The following SOCS2 variants were observed in gnomAD, a reference collection of about 807,000 sequenced individuals.
SOCS2 encodes the protein CIS-2.
In SOCS2, 10 loss-of-function variants were observed where a neutral mutation model predicts 18.6. The ratio of observed to expected loss-of-function variants is 0.54; its 90% CI spans 0.33 to 0.91. The LOEUF is 0.91. Among genes scored for constraint, SOCS2 ranks in the 40% least tolerant of loss-of-function variants. The probability of loss-of-function intolerance (pLI) is 0.02; values close to 1 mark genes in which losing one functional copy is unlikely to be tolerated. For synonymous variants in SOCS2, 104 were observed against 104.0 expected (o/e 1.00, Z 0.00); for missense variants, 231 against 247.2 (o/e 0.93, Z 0.44).
At position 93,573,036 on chromosome 12, in the gene SOCS2, G is replaced by A. The variant is rs1308884342; in HGVS notation, c.139G>A (p.Gly47Arg). 6 of 1,564,100 alleles carry A rather than the reference G, an allele frequency of 3.8e-6. No homozygotes were observed. The highest frequency in any genetic ancestry group is 3.4e-6 in the Non-Finnish European group (4 of 1,159,650). Residue 47 changes from glycine (G) to arginine (R), a missense_variant and splice_region_variant, in exon 1 of 2, where the codon GGA becomes AGA. Gly to Arg is a moderately radical substitution (Grantham distance 125). Coordinates refer to ENST00000551556, the MANE Select transcript of SOCS2 (RefSeq NM_001270471.2). ...AKALRELGQT[G>R]WYWGSMTVNE... The stretch of plus-strand genomic sequence containing the variant: ...GGCCCTGCGGGAGCTCGGTCAGACA[G>A]GTAGGGAGCCGATCGGCCGCGACGC...
the SOCS2 span, among the ~76,000 whole-genome samples, chr12:93,604,029 C>T: frequency 6.6e-6 from 1 of 152,008 alleles, no homozygotes; most frequent in African/African-American, 2.4e-5. Flanking sequence ...CACAGAACAC[C>T]CACATGGAGG....
At chr12:93,590,242 A>C in the SOCS2 span, among the ~76,000 whole-genome samples, 1 of 152,068 alleles carries the variant, frequency 6.6e-6, no homozygotes, top group Non-Finnish European at 1.5e-5. Flanking sequence ...CTCAAAAAAA[A>C]AAAAGAATAA....
Position 93,574,694 on chromosome 12 carries a change from T to C in SOCS2, c.140-28T>C, listed in dbSNP as rs1416247244. On this transcript the variant is annotated intron_variant, in intron 1 of 1. Coordinates refer to ENST00000551556, the MANE Select transcript of SOCS2 (RefSeq NM_001270471.2). The stretch of plus-strand genomic sequence containing the variant: ...TTATAATAACTGTTTTACCCTCTTT[T>C]CTTTTTCTTTTTGAACAAAAACCCC... The C allele has an allele frequency of 6.7e-6, 10 of 1,498,572 alleles. No individual in the cohort carries two copies. The Admixed American group carries it at 1.1e-4, about 16-fold the overall frequency. 92.8% of individuals were successfully genotyped at this position (1,498,572 alleles called of 1,614,324 possible). A position where few individuals can be genotyped will look rare whatever the true frequency, so the allele number is the denominator to read the frequency against.
chr12:93,623,062 G>A, the SOCS2 span, among the ~76,000 whole-genome samples: 2 of 152,198 alleles, frequency 1.3e-5, no homozygotes, highest in Admixed American at 6.5e-5. Context: ...AGCACTGATA[G>A]CATTTGGCTC....
At chr12:93,596,692 T>C in the SOCS2 span, among the ~76,000 whole-genome samples, 1 of 152,158 alleles carries the variant, frequency 6.6e-6, no homozygotes, top group Non-Finnish European at 1.5e-5. Flanking sequence ...GCTGGGCGTG[T>C]TGGCCTGCGC....
downstream of SOCS2, among the ~76,000 whole-genome samples, chr12:93,581,061 G>T (rs975187191): frequency 6.6e-6 from 1 of 152,086 alleles, no homozygotes. Flanking sequence ...CAACAAACTG[G>T]CTAAAAAAAT....
the SOCS2 span, among the ~76,000 whole-genome samples, chr12:93,608,695 G>C: frequency 6.6e-6 from 1 of 152,040 alleles, no homozygotes; most frequent in Non-Finnish European, 1.5e-5. Context: ...CTGACAATGC[G>C]ATGTCTTATT....
the SOCS2 span, among the ~76,000 whole-genome samples, chr12:93,618,235 G>A: frequency 6.6e-6 from 1 of 152,142 alleles, no homozygotes; most frequent in South Asian, 2.1e-4. Flanking sequence ...TGTACAGCCT[G>A]CAGGACTGTG....
At chr12:93,583,400 GA>G in exon 2 of SOCS2, 1 of 152,056 alleles carries the variant, frequency 6.6e-6, no homozygotes, top group Admixed American at 6.5e-5. Context: ...AGGCAATTAA[GA>G]AAAAAGTAAA....
the SOCS2 span, among the ~76,000 whole-genome samples, chr12:93,609,717 T>G: frequency 6.6e-6 from 1 of 152,354 alleles, no homozygotes; most frequent in East Asian, 1.9e-4. Context: ...AATTTATGAC[T>G]GTTCCCTAGG....
chr12:93,615,992 C>T, the SOCS2 span, among the ~76,000 whole-genome samples: 1 of 152,226 alleles, frequency 6.6e-6, no homozygotes, highest in Admixed American at 6.5e-5. Context: ...TTTGTCCAAG[C>T]TCTCATGATT....
the SOCS2 span, among the ~76,000 whole-genome samples, chr12:93,609,491 A>C: frequency 2.6e-5 from 4 of 151,822 alleles, no homozygotes; most frequent in Middle Eastern, 6.9e-3. Context: ...TTAATAATAA[A>C]TTAATTACAT....
At chr12:93,603,203 C>T in the SOCS2 span, among the ~76,000 whole-genome samples, 4 of 152,268 alleles carry the variant, frequency 2.6e-5, no homozygotes, top group Non-Finnish European at 5.9e-5. Context: ...CTTCACAGAC[C>T]GTCCTGTGGC....
the SOCS2 span, among the ~76,000 whole-genome samples, chr12:93,623,636 T>C: frequency 5.9e-5 from 9 of 152,152 alleles, no homozygotes; most frequent in Admixed American, 5.9e-4. Context: ...TATAGAGACA[T>C]GGGCACTACC....
chr12:93,613,145 AGGC>A, the SOCS2 span, among the ~76,000 whole-genome samples: 1 of 152,220 alleles, frequency 6.6e-6, no homozygotes, highest in Non-Finnish European at 1.5e-5. Context: ...CAATATCTGA[AGGC>A]TCTGCTCATT....
At chr12:93,586,627 G>T (rs1378489921), downstream of SOCS2, among the ~76,000 whole-genome samples, 2 of 152,130 alleles carry the variant, frequency 1.3e-5, no homozygotes, top group African/African-American at 4.8e-5. Flanking sequence ...CATGAAAAAT[G>T]TACTTAATTT....
chr12:93,581,693 C>T (rs1441932350), downstream of SOCS2, among the ~76,000 whole-genome samples: 1 of 152,078 alleles, frequency 6.6e-6, no homozygotes, highest in African/African-American at 2.4e-5. Flanking sequence ...CCTCCCTTCT[C>T]ACCTGCTTTC....
chr12:93,619,836 A>G, the SOCS2 span, among the ~76,000 whole-genome samples: 13,269 of 152,192 alleles, frequency 0.087, 983 homozygotes, highest in East Asian at 0.33. Context: ...CCTAAATCCC[A>G]GTTAACTTCT....
At chr12:93,584,046 T>C (rs1954568669), downstream of SOCS2, among the ~76,000 whole-genome samples, 4 of 152,186 alleles carry the variant, frequency 2.6e-5, no homozygotes, top group Admixed American at 2.6e-4. Flanking sequence ...GCAGAAGAGG[T>C]TGGTTTTACA....
Sources: gnomAD v4.1 joint callset for allele counts (sites outside exome capture counted in the v4.1 genomes callset) on GRCh38, gnomAD v4.1.1 for gene constraint, MANE v1.5 for transcripts, NCBI Gene and HGNC (gene_info 2026-07-23, HGNC 2026-07-21) for gene names.